The following NCOA7 variants were observed in gnomAD, a reference collection of about 807,000 sequenced individuals.
NCOA7 encodes nuclear receptor coactivator 7.
In NCOA7, 45 loss-of-function variants were observed where a neutral mutation model predicts 104.3. The observed-to-expected ratio is 0.43, with a 90% CI of 0.34 to 0.55. The LOEUF (loss-of-function observed/expected upper bound fraction) is 0.55, where lower values mean the gene tolerates loss of function less well. Among genes scored for constraint, NCOA7 ranks in the 20% least tolerant of loss-of-function variants. NCOA7 has a pLI of 0.02. For synonymous variants in NCOA7, 398 were observed against 402.3 expected, an observed-to-expected ratio of 0.99 and a Z score of 0.13; for missense variants, 1,041 against 1,119.7, an observed-to-expected ratio of 0.93 and a Z score of 1.00.
In NCOA7 at chr6:125,882,526, A is replaced by G; in HGVS notation, c.674A>G (p.Asn225Ser). The G allele has an allele frequency of 6.2e-7, 1 of 1,613,314 alleles. No individual in the cohort carries two copies. The highest frequency in any genetic ancestry group is 8.5e-7 in the Non-Finnish European group (1 of 1,179,602). Residue 225 changes from asparagine to serine, a missense_variant, in exon 7 of 16, where the codon AAT (asparagine) becomes AGT (serine). Physicochemically the swap from Asn to Ser is conservative, Grantham distance 46. Transcript: ENST00000392477. ...EPGVVKFLKMNCRYFTDGKGV... is the reference protein window; with the variant it reads ...EPGVVKFLKMSCRYFTDGKGV... The stretch of plus-strand genomic sequence containing the variant: ...GGTGTGGTGAAATTTTTAAAAATGA[A>G]TTGTCGATACTTCACCGATGGAAAG...
At chr6:125,857,917 A>T (rs575087759) in intron 3 of NCOA7, among the ~76,000 whole-genome samples, 25 of 149,550 alleles carry the variant, frequency 1.7e-4, no homozygotes, top group African/African-American at 5.7e-4. Context: ...TTTTTAAATG[A>T]TTTCTCGCTG....
At chr6:125,923,507 G>A (rs145893623) in intron 13 of NCOA7, among the ~76,000 whole-genome samples, 475 of 152,046 alleles carry the variant, frequency 3.1e-3, no homozygotes, top group Middle Eastern at 0.021. Flanking sequence ...GGTTTTTTTC[G>A]GTCACTTTCC....
At chr6:125,913,610 A>C (rs1786785870) in intron 10 of NCOA7, 1 of 967,004 alleles carries the variant, frequency 1.0e-6, no homozygotes, top group South Asian at 4.8e-5. Context: ...ATACACTGAT[A>C]CACACCTTGT....
At chr6:125,907,099 T>C (rs976763839) in intron 10 of NCOA7, among the ~76,000 whole-genome samples, 29 of 152,220 alleles carry the variant, frequency 1.9e-4, no homozygotes, top group African/African-American at 7.0e-4. Flanking sequence ...ATGTCCCTTC[T>C]TCATTCCTCC....
At chr6:125,874,505 T>G (rs1783200172) in intron 3 of NCOA7, among the ~76,000 whole-genome samples, 1 of 152,242 alleles carries the variant, frequency 6.6e-6, no homozygotes. Context: ...TGATTCAGAA[T>G]GAACTTTTCT....
upstream of NCOA7, among the ~76,000 whole-genome samples, chr6:125,786,403 C>G (rs770794719): frequency 6.6e-6 from 1 of 152,094 alleles, no homozygotes; most frequent in Non-Finnish European, 1.5e-5. Context: ...ATTACTTAAC[C>G]AGTTTTGAAA....
At chr6:125,876,320 C>T (rs568219309) in intron 4 of NCOA7, among the ~76,000 whole-genome samples, 2 of 152,260 alleles carry the variant, frequency 1.3e-5, no homozygotes, top group East Asian at 3.9e-4. Flanking sequence ...TAAGCATAGT[C>T]ATTTTTAGAA....
At chr6:125,888,786 T>A (rs1490707417) in intron 8 of NCOA7, among the ~76,000 whole-genome samples, 153 bp from the exon 9 acceptor site, 1 of 152,228 alleles carries the variant, frequency 6.6e-6, no homozygotes, top group East Asian at 1.9e-4. Flanking sequence ...TTTATTTTTT[T>A]ATTCTGAAAT....
chr6:125,920,385 A>T (rs999815868), intron 11 of NCOA7, among the ~76,000 whole-genome samples: 1 of 152,204 alleles, frequency 6.6e-6, no homozygotes, highest in Admixed American at 6.5e-5. Context: ...CTATTTATAG[A>T]AGACTTACCT....
At chr6:125,879,139 G>C (rs946923344) in intron 5 of NCOA7, among the ~76,000 whole-genome samples, 2 of 152,108 alleles carry the variant, frequency 1.3e-5, no homozygotes, top group Non-Finnish European at 2.9e-5. Context: ...TATATACCAA[G>C]ATCACAAAAT....
chr6:125,906,135 G>GAA (rs1785980040), intron 10 of NCOA7, among the ~76,000 whole-genome samples: 1 of 152,194 alleles, frequency 6.6e-6, no homozygotes, highest in Non-Finnish European at 1.5e-5. Context: ...AGGTCGCAAG[G>GAA]TGGGGTGGTG....
intron 10 of NCOA7, among the ~76,000 whole-genome samples, chr6:125,900,556 A>G (rs1170290170): frequency 6.6e-6 from 1 of 152,236 alleles, no homozygotes; most frequent in Non-Finnish European, 1.5e-5. Flanking sequence ...GTTCAACCTG[A>G]TGATTTCATG....
chr6:125,821,241 A>G (rs895268340), intron 2 of NCOA7, among the ~76,000 whole-genome samples: 2 of 152,192 alleles, frequency 1.3e-5, no homozygotes, highest in African/African-American at 4.8e-5. Context: ...GATCCAGATT[A>G]TCTTCATACC....
At chr6:125,928,045 C>A (rs922981615) in intron 14 of NCOA7, 129 bp from the exon 15 acceptor site, 10 of 882,624 alleles carry the variant, frequency 1.1e-5, no homozygotes, top group Non-Finnish European at 1.8e-5. Context: ...CCAGGTCTGG[C>A]AGTCAGGAAC....
In NCOA7 at chr6:125,855,167, T is replaced by C. The variant is rs1346516793; in HGVS notation, c.198T>C (p.Asp66=). Reference sequence around the variant, plus strand: ...CTGTGGAAGAGGAATATATGACTGATGAGAAAAAAAAGAGAAAAAGTAATC... The same window carrying C: ...CTGTGGAAGAGGAATATATGACTGACGAGAAAAAAAAGAGAAAAAGTAATC... ...NIAVEEEYMT[D]EKKKRKSNQL... Residue 66 remains aspartate, a synonymous_variant, in exon 3 of 16, where the codon GAT becomes GAC. Transcript: ENST00000392477. The C allele has an allele frequency of 2.5e-6, 4 of 1,612,760 alleles. No homozygotes were observed. The highest frequency in any genetic ancestry group is 3.4e-6 in the Non-Finnish European group (4 of 1,179,838).
intron 2 of NCOA7, among the ~76,000 whole-genome samples, chr6:125,833,240 T>C (rs992759375): frequency 6.6e-6 from 1 of 152,100 alleles, no homozygotes; most frequent in Non-Finnish European, 1.5e-5. Context: ...ATTTGCTTAT[T>C]ATGAAGATCA....
intron 8 of NCOA7, among the ~76,000 whole-genome samples, chr6:125,886,382 A>T (rs768945877): frequency 6.6e-6 from 1 of 152,206 alleles, no homozygotes; most frequent in Admixed American, 6.5e-5. Flanking sequence ...GGCATTCCCT[A>T]CTGAAATAGG....
intron 12 of NCOA7, among the ~76,000 whole-genome samples, chr6:125,922,037 C>T (rs1787633109): frequency 6.6e-6 from 1 of 152,122 alleles, no homozygotes; most frequent in Non-Finnish European, 1.5e-5. Context: ...AGAAGCTTGA[C>T]CAAGTAATTA....
Position 125,889,420 on chromosome 6 carries a change from A to G in NCOA7, c.1366A>G (p.Asn456Asp). 6.2e-7 allele frequency: 1 copy of G among 1,613,928 alleles called. No individual in the cohort carries two copies. Among genetic ancestry groups the G allele is most frequent in the South Asian group, 1.1e-5 (1 of 91,042 alleles). Residue 456 changes from asparagine (N) to aspartate (D), a missense_variant, in exon 9 of 16, where the codon AAT becomes GAT. Transcript: ENST00000392477. ...ERKKAESQINNSAVEMQVQSA... is the reference protein window; with the variant it reads ...ERKKAESQINDSAVEMQVQSA... ...AAAGAAAGCTGAGTCACAAATAAACAATTCTGCCGTGGAAATGCAGGTGCA... is the reference window on the plus strand; with the variant it reads ...AAAGAAAGCTGAGTCACAAATAAACGATTCTGCCGTGGAAATGCAGGTGCA...
Sources: allele counts gnomAD v4.1 joint callset (sites outside exome capture counted in the v4.1 genomes callset), GRCh38; gene constraint gnomAD v4.1.1; transcripts MANE v1.5; gene names NCBI Gene and HGNC (gene_info 2026-07-23, HGNC 2026-07-21).